The following CCDC178 variants were observed in gnomAD, a reference collection of about 807,000 sequenced individuals.
CCDC178 encodes the protein coiled-coil domain-containing protein 178.
Under a neutral mutation model 117.4 loss-of-function variants are expected in CCDC178, and 126 were observed. The ratio of observed to expected loss-of-function variants is 1.07; its 90% CI spans 0.93 to 1.24. The LOEUF is 1.24. Ranked by LOEUF, CCDC178 falls within the 50% of genes most tolerant of loss-of-function variation. The pLI, the probability that CCDC178 is intolerant of heterozygous loss-of-function variation, is 0.00. For missense variants in CCDC178, 1,030 were observed against 986.9 expected (o/e 1.04, Z -0.59); for synonymous variants, 283 against 313.4 (o/e 0.90, Z 1.02).
intron 21 of CCDC178, among the ~76,000 whole-genome samples, chr18:33,034,519 C>T (rs887785980): frequency 6.6e-5 from 10 of 151,870 alleles, no homozygotes; most frequent in Non-Finnish European, 1.5e-4. Context: ...TTTATATTTG[C>T]TGCTGCTTTT....
intron 12 of CCDC178, among the ~76,000 whole-genome samples, chr18:33,272,727 G>T (rs2144789902): frequency 6.6e-6 from 1 of 151,542 alleles, no homozygotes; most frequent in South Asian, 2.1e-4. Context: ...AGAAATGCAA[G>T]GTTGGTTCTA....
chr18:33,015,511 G>C (rs965162010), intron 21 of CCDC178, among the ~76,000 whole-genome samples: 1 of 152,004 alleles, frequency 6.6e-6, no homozygotes. Context: ...CTTGCAGTGA[G>C]CCGAGATCGC....
chr18:33,074,186 T>A (rs1190461762), intron 21 of CCDC178, among the ~76,000 whole-genome samples: 4 of 151,518 alleles, frequency 2.6e-5, no homozygotes, highest in African/African-American at 4.8e-5. Flanking sequence ...AATTATGATT[T>A]TATATATATA....
intron 22 of CCDC178, among the ~76,000 whole-genome samples, chr18:32,951,166 T>C (rs1451186015): frequency 6.6e-6 from 1 of 152,246 alleles, no homozygotes; most frequent in Non-Finnish European, 1.5e-5. Context: ...TAACCTATGC[T>C]TGAAGGTAAT....
intron 4 of CCDC178, among the ~76,000 whole-genome samples, 198 bp from the exon 5 acceptor site, chr18:33,389,827 T>C (rs957109550): frequency 2.0e-5 from 3 of 151,808 alleles, no homozygotes; most frequent in Non-Finnish European, 4.4e-5. Flanking sequence ...GGTTTGACTC[T>C]TTCATAAGAA....
intron 21 of CCDC178, among the ~76,000 whole-genome samples, chr18:33,026,766 A>G (rs939633228): frequency 6.6e-6 from 1 of 151,962 alleles, no homozygotes; most frequent in Admixed American, 6.6e-5. Context: ...ATCCCTCATC[A>G]TAAAACATAA....
chr18:33,322,781 C>G (rs2062530374), intron 11 of CCDC178, among the ~76,000 whole-genome samples: 1 of 151,092 alleles, frequency 6.6e-6, no homozygotes, highest in Non-Finnish European at 1.5e-5. Context: ...ATATAAACAC[C>G]TTAAGAAATG....
At chr18:33,317,292 C>A (rs1045833964) in intron 11 of CCDC178, among the ~76,000 whole-genome samples, 7 of 152,060 alleles carry the variant, frequency 4.6e-5, no homozygotes, top group Admixed American at 1.3e-4. Flanking sequence ...AGACGTGTGG[C>A]CTTAAGAGCT....
rs1328124668 is a variant in CCDC178, at chr18:32,974,427, A to G, written c.2523+120T>C. ...TCTTCATGCAATTCCAGTTTATTAA[A>G]GAGGTTAAAAATTTATAAAACTCTG... On this transcript the variant is annotated intron_variant, in intron 22 of 22. Coordinates refer to ENST00000383096, the MANE Select transcript of CCDC178 (RefSeq NM_001105528.4). The G allele has an allele frequency of 4.5e-6, 4 of 885,996 alleles. No individual in the cohort carries two copies. In the African/African-American group the frequency reaches 6.7e-5, roughly 15 times the overall value. The allele number at this position is 885,996 out of a possible 1,614,324, so 54.9% of individuals were successfully genotyped here. A position where few individuals can be genotyped will look rare whatever the true frequency, so the allele number is the denominator to read the frequency against.
intron 14 of CCDC178, among the ~76,000 whole-genome samples, chr18:33,259,658 C>A (rs527829115): frequency 1.3e-5 from 2 of 152,092 alleles, no homozygotes; most frequent in South Asian, 2.1e-4. Context: ...TCACCCCCCC[C>A]CACCAGTCCC....
chr18:33,339,344 C>T (rs1343981227), intron 9 of CCDC178, among the ~76,000 whole-genome samples: 1 of 151,578 alleles, frequency 6.6e-6, no homozygotes, highest in East Asian at 1.9e-4. Flanking sequence ...AAATCTTTTG[C>T]TTGAATGACC....
intron 21 of CCDC178, among the ~76,000 whole-genome samples, chr18:33,011,767 C>CAAAAAAAAAAAAAAAAAA (rs71177899): frequency 3.3e-5 from 1 of 30,014 alleles, no homozygotes; most frequent in African/African-American, 7.6e-5. Context: ...GAGCAGAATG[C>CAAAAAAAAAAAAAAAAAA]AAAAAAAAAA....
At chr18:33,036,326 T>C (rs2056443965) in intron 21 of CCDC178, among the ~76,000 whole-genome samples, 1 of 151,898 alleles carries the variant, frequency 6.6e-6, no homozygotes, top group Non-Finnish European at 1.5e-5. Context: ...ATTAATATAC[T>C]CATCAATTAT....
intron 12 of CCDC178, among the ~76,000 whole-genome samples, chr18:33,290,548 T>C (rs1168533327): frequency 6.6e-6 from 1 of 152,030 alleles, no homozygotes; most frequent in Non-Finnish European, 1.5e-5. Context: ...AATTATTCCA[T>C]AAGTGGATAC....
rs1005970996 is a variant in CCDC178 at position 33,270,196 on chromosome 18, G to GA, written c.1177-2900dup. On this transcript the variant is annotated intron_variant, in intron 12 of 22. Transcript: ENST00000383096. Reference sequence around the variant, plus strand: ...CTGAGATTATCTAGACTAAAGAACAGAAAAAAAAATAAAGAAAAATGAACA... The same window carrying GA: ...CTGAGATTATCTAGACTAAAGAACAGAAAAAAAAAATAAAGAAAAATGAACA... Among the ~76,000 whole-genome samples, 9 of 146,682 alleles carry GA rather than the reference G, an allele frequency of 6.1e-5. No individual in the cohort carries two copies. The South Asian group carries it at 6.4e-4, about 10-fold the overall frequency.
chr18:33,261,246 G>C (rs1394415190), intron 14 of CCDC178, among the ~76,000 whole-genome samples: 1 of 152,084 alleles, frequency 6.6e-6, no homozygotes, highest in Non-Finnish European at 1.5e-5. Context: ...ACCACGCCCG[G>C]CTAATTTTTT....
chr18:33,320,578 C>G (rs563922269), intron 11 of CCDC178, among the ~76,000 whole-genome samples: 9 of 152,210 alleles, frequency 5.9e-5, no homozygotes, highest in African/African-American at 2.2e-4. Flanking sequence ...AACCACTGCT[C>G]AATGAAATAA....
chr18:33,178,337 A>G (rs538936201), intron 20 of CCDC178, among the ~76,000 whole-genome samples: 2 of 152,202 alleles, frequency 1.3e-5, no homozygotes, highest in East Asian at 1.9e-4. Flanking sequence ...TTCTCTCAAA[A>G]TGTTCCTTTC....
intron 22 of CCDC178, among the ~76,000 whole-genome samples, chr18:32,968,823 T>C (rs1333829492): frequency 1.3e-5 from 2 of 152,044 alleles, no homozygotes; most frequent in African/African-American, 4.8e-5. Context: ...TCACACAGAA[T>C]CAGAGATTTC....
Sources: allele counts gnomAD v4.1 joint callset (sites outside exome capture counted in the v4.1 genomes callset), GRCh38; gene constraint gnomAD v4.1.1; transcripts MANE v1.5; gene names NCBI Gene and HGNC (gene_info 2026-07-23, HGNC 2026-07-21).